IQSEC1: variants seen among roughly 807,000 people sequenced by gnomAD.
IQSEC1 encodes IQ motif and Sec7 domain ArfGEF 1.
In IQSEC1, 31 loss-of-function variants were observed where a neutral mutation model predicts 91.0. The observed-to-expected ratio is 0.34, with a 90% CI of 0.26 to 0.46. IQSEC1 has a LOEUF of 0.46. IQSEC1 is among the 20% of genes least tolerant of loss of function. The pLI, the probability that IQSEC1 is intolerant of heterozygous loss-of-function variation, is 1.00. For synonymous variants in IQSEC1, 699 were observed against 662.6 expected (o/e 1.05, Z -0.84); for missense variants, 1,388 against 1,575.6 (o/e 0.88, Z 2.02).
intron 1 of IQSEC1, among the ~76,000 whole-genome samples, chr3:13,206,562 T>C (rs889951881): frequency 2.0e-5 from 3 of 152,238 alleles, no homozygotes; most frequent in African/African-American, 7.2e-5. Flanking sequence ...AGCTAAGATG[T>C]GTGCCCTTTG....
At chr3:13,091,525 C>T (rs62232950) in intron 2 of IQSEC1, among the ~76,000 whole-genome samples, 33,507 of 152,190 alleles carry the variant, frequency 0.22, 3,794 homozygotes, top group Middle Eastern at 0.35. Context: ...CCCTGGCCTC[C>T]TGGCCTCCCT....
At chr3:13,003,134 GT>G (rs1702491721) in intron 1 of IQSEC1, among the ~76,000 whole-genome samples, 2 of 152,038 alleles carry the variant, frequency 1.3e-5, no homozygotes, top group African/African-American at 4.8e-5. Flanking sequence ...ACAATGGAAT[GT>G]TATTATTCAG....
intron 2 of IQSEC1, among the ~76,000 whole-genome samples, chr3:13,104,697 G>A (rs1706117975): frequency 6.6e-6 from 1 of 152,186 alleles, no homozygotes; most frequent in African/African-American, 2.4e-5. Context: ...CCCAGGTGCA[G>A]GGCCCATCAT....
chr3:13,022,233 G>GA (rs545642907), intron 1 of IQSEC1: 109 of 1,227,746 alleles, frequency 8.9e-5, no homozygotes, highest in Middle Eastern at 3.1e-4. Flanking sequence ...GTAGGAAGAA[G>GA]AAAGAAAAGC....
At chr3:13,234,889 A>G (rs980165558) in intron 1 of IQSEC1, among the ~76,000 whole-genome samples, 3 of 152,130 alleles carry the variant, frequency 2.0e-5, no homozygotes, top group African/African-American at 7.2e-5. Flanking sequence ...CCCTGACTGT[A>G]CACACAGTGT....
chr3:13,059,762 AGAAG>A (rs1365894384), intron 1 of IQSEC1, among the ~76,000 whole-genome samples: 1 of 152,110 alleles, frequency 6.6e-6, no homozygotes, highest in Non-Finnish European at 1.5e-5. Context: ...AAAAAATGAA[AGAAG>A]GAAGGAAGGA....
intron 1 of IQSEC1, among the ~76,000 whole-genome samples, chr3:12,948,877 G>C (rs1306243126): frequency 2.0e-5 from 3 of 152,208 alleles, no homozygotes; most frequent in Admixed American, 6.5e-5. Flanking sequence ...TGCCCATTGT[G>C]TTCATGCAAC....
intron 1 of IQSEC1, among the ~76,000 whole-genome samples, chr3:13,165,341 G>A (rs1039022337): frequency 1.3e-5 from 2 of 152,076 alleles, no homozygotes; most frequent in South Asian, 2.1e-4. Flanking sequence ...CCTTGACCCC[G>A]GGGGCCATGG....
At chr3:13,185,270 A>T (rs1559272543) in intron 1 of IQSEC1, among the ~76,000 whole-genome samples, 2 of 152,152 alleles carry the variant, frequency 1.3e-5, no homozygotes, top group Non-Finnish European at 2.9e-5. Flanking sequence ...TTAGAAGGCC[A>T]GCACCCACTA....
At chr3:13,274,300 C>T (rs112549541) in intron 1 of IQSEC1, among the ~76,000 whole-genome samples, 6 of 152,218 alleles carry the variant, frequency 3.9e-5, no homozygotes, top group African/African-American at 1.2e-4. Flanking sequence ...GGATCCCACC[C>T]CGCACCTTGT....
intron 2 of IQSEC1, among the ~76,000 whole-genome samples, chr3:13,128,809 G>A (rs1416629827): frequency 2.0e-5 from 3 of 150,504 alleles, no homozygotes; most frequent in South Asian, 2.1e-4. Context: ...CCTGGGAGGC[G>A]GAGGTTGCAG....
rs72408840 is a variant in IQSEC1, at chr3:12,900,451, GTATATA to G, written c.*526_*531del. The stretch of plus-strand genomic sequence containing the variant: ...TTCACACACAAGTACTACCTATACA[GTATATA>G]TATATATATATTTATATATTTATAT... On this transcript the variant is annotated 3_prime_UTR_variant, in exon 14 of 14. Transcript: ENST00000613206. The G allele has an allele frequency of 4.0e-3, 2,789 of 701,460 alleles. 34 individuals are homozygous for G. Among genetic ancestry groups the G allele is most frequent in the Non-Finnish European group, 4.3e-3 (2,462 of 574,604 alleles). 43.5% of individuals were successfully genotyped at this position (701,460 alleles called of 1,614,324 possible).
At chr3:12,906,185 G>C (rs1216808362) in intron 12 of IQSEC1, among the ~76,000 whole-genome samples, 1 of 152,172 alleles carries the variant, frequency 6.6e-6, no homozygotes, top group Non-Finnish European at 1.5e-5. Context: ...CTGCTCTCAG[G>C]GTCTCCTGCC....
chr3:13,054,634 C>T (rs903488710), intron 1 of IQSEC1, among the ~76,000 whole-genome samples: 2 of 152,200 alleles, frequency 1.3e-5, no homozygotes, highest in South Asian at 2.1e-4. Context: ...AGCTCAGGGA[C>T]GGGATGCAGT....
intron 1 of IQSEC1, chr3:12,986,843 T>G (rs1701762009): frequency 3.8e-6 from 1 of 263,176 alleles, no homozygotes; most frequent in Non-Finnish European, 7.9e-6. Context: ...GGGCTTGCTG[T>G]GGGCTGTGGC....
rs146857099 is a variant in IQSEC1, at chr3:13,190,882, T to C, written c.273-26749A>G. 5.1e-3 allele frequency among the ~76,000 whole-genome samples: 782 copies of C among 152,290 alleles called. 7 individuals carry two copies. The highest frequency in any genetic ancestry group is 0.018 in the African/African-American group (744 of 41,560). ...GAGGAGGGCTCTCTCCCTACCCCTC[T>C]GCCTCACTAAATCCCTGACTCCAGG... On this transcript the variant is annotated intron_variant, in intron 1 of 15. Transcript: ENST00000648114.
chr3:12,922,317 G>T lies in IQSEC1; in HGVS notation c.1731-75C>A. Reference sequence around the variant, plus strand: ...ACGCCCAGCCCACCCCCAGGTGGTGGTGCCTGAAGCCCTGGGAATGGACCG... The same window carrying T: ...ACGCCCAGCCCACCCCCAGGTGGTGTTGCCTGAAGCCCTGGGAATGGACCG... On this transcript the variant is annotated intron_variant, in intron 4 of 13. Transcript: ENST00000613206. The surrounding 1 kb of genome is among the most constrained non-coding windows in gnomAD (Gnocchi z 5.1). The T allele has an allele frequency of 6.9e-7, 1 of 1,447,120 alleles. No homozygotes were observed. Among genetic ancestry groups the T allele is most frequent in the Non-Finnish European group, 9.2e-7 (1 of 1,087,522 alleles). 89.6% of individuals were successfully genotyped at this position (1,447,120 alleles called of 1,614,324 possible). A position where few individuals can be genotyped will look rare whatever the true frequency, so the allele number is the denominator to read the frequency against.
chr3:13,156,552 C>T (rs13083601), intron 2 of IQSEC1, among the ~76,000 whole-genome samples: 6,726 of 152,280 alleles, frequency 0.044, 206 homozygotes, highest in Non-Finnish European at 0.063. Context: ...CTCTGGCCTC[C>T]TTCCAGAGGT....
intron 1 of IQSEC1, among the ~76,000 whole-genome samples, chr3:12,980,841 C>T (rs973389371): frequency 3.9e-5 from 6 of 152,192 alleles, no homozygotes; most frequent in African/African-American, 1.2e-4. Context: ...AGTAGGGCTG[C>T]GTGGATGCTC....
Sources: gnomAD v4.1 joint callset for allele counts (sites outside exome capture counted in the v4.1 genomes callset) on GRCh38, gnomAD v4.1.1 for gene constraint, Gnocchi (gnomAD v3.1) non-coding constraint, MANE v1.5 for transcripts, NCBI Gene and HGNC (gene_info 2026-07-23, HGNC 2026-07-21) for gene names.